THSD7A: variants seen among roughly 807,000 people sequenced by gnomAD.
THSD7A encodes the protein thrombospondin type-1 domain-containing protein 7A.
THSD7A carries 96 observed loss-of-function variants against 231.3 expected under a neutral mutation model. The observed-to-expected ratio is 0.41, with a 90% CI of 0.35 to 0.49. THSD7A has a LOEUF of 0.49. THSD7A is among the 20% of genes least tolerant of loss of function. THSD7A has a pLI of 0.05. For synonymous variants in THSD7A, 940 were observed against 743.3 expected, an observed-to-expected ratio of 1.26 and a Z score of -4.30; for missense variants, 2,290 against 2,070.2, an observed-to-expected ratio of 1.11 and a Z score of -2.06.
chr7:11,418,781 C>A lies in THSD7A; in HGVS notation c.3384-1178G>T, dbSNP rs149979021. On this transcript the variant is annotated intron_variant, in intron 16 of 27. Coordinates refer to ENST00000423059, the MANE Select transcript of THSD7A (RefSeq NM_015204.3). ...TGTTGTTGGTCATGTCTTAATGAGC[C>A]TGTAGCCTGAAAAAAATACCCAAAC... Among the ~76,000 whole-genome samples, 231 of 151,798 alleles carry A rather than the reference C, an allele frequency of 1.5e-3. 1 individual carries two copies. Among genetic ancestry groups the A allele is most frequent in the African/African-American group, 5.2e-3 (214 of 41,372 alleles).
chr7:11,715,173 T>G (rs1188016884), intron 1 of THSD7A, among the ~76,000 whole-genome samples: 2 of 151,434 alleles, frequency 1.3e-5, no homozygotes, highest in Admixed American at 6.6e-5. Flanking sequence ...GTTTACCAAT[T>G]AAATTCCATG....
intron 1 of THSD7A, among the ~76,000 whole-genome samples, chr7:11,677,007 CA>C (rs1233335309): frequency 6.6e-6 from 1 of 152,094 alleles, no homozygotes; most frequent in Non-Finnish European, 1.5e-5. Context: ...ATGTTAAGGG[CA>C]GTGAGAGAAA....
At chr7:11,419,817 G>T (rs922973094) in intron 16 of THSD7A, among the ~76,000 whole-genome samples, 4 of 152,218 alleles carry the variant, frequency 2.6e-5, no homozygotes, top group Non-Finnish European at 5.9e-5. Flanking sequence ...AGATGGAGAT[G>T]ATGAGCTTAT....
chr7:11,693,136 C>T (rs1395043885), intron 1 of THSD7A, among the ~76,000 whole-genome samples: 2 of 151,480 alleles, frequency 1.3e-5, no homozygotes, highest in African/African-American at 4.8e-5. Context: ...TTTCAGGAAA[C>T]ACCTTAAAGA....
chr7:11,784,191 C>CAT (rs1434946518), intron 1 of THSD7A, among the ~76,000 whole-genome samples: 3 of 151,318 alleles, frequency 2.0e-5, no homozygotes, highest in Non-Finnish European at 2.9e-5. Flanking sequence ...TATGTTTATG[C>CAT]ATATATATAC....
rs1417254281 is a variant in THSD7A at position 11,375,786 on chromosome 7, G to C, written c.*8C>G. On this transcript the variant is annotated 3_prime_UTR_variant, in exon 28 of 28. Coordinates refer to ENST00000423059, the MANE Select transcript of THSD7A (RefSeq NM_015204.3). ...CCGAAACTGGTTGTTGCCAGGAAAAGTTATATGTTACATGTCGGCATCTCC... is the reference window on the plus strand; with the variant it reads ...CCGAAACTGGTTGTTGCCAGGAAAACTTATATGTTACATGTCGGCATCTCC... 6.2e-7 allele frequency: 1 copy of C among 1,611,274 alleles called. No individual in the cohort carries two copies.
intron 13 of THSD7A, among the ~76,000 whole-genome samples, chr7:11,439,012 G>GTAAAATT (rs765386245): frequency 6.6e-6 from 1 of 151,878 alleles, no homozygotes; most frequent in Non-Finnish European, 1.5e-5. Flanking sequence ...AGCACAAAAA[G>GTAAAATT]TCTTAGAGTA....
chr7:11,821,020 G>T, intron 1 of THSD7A: 1 of 995,564 alleles, frequency 1.0e-6, no homozygotes, highest in Non-Finnish European at 1.6e-6. Context: ...TTGTAGCCAG[G>T]TTTTCTGGGA....
intron 1 of THSD7A, among the ~76,000 whole-genome samples, chr7:11,790,741 A>G (rs1783928233): frequency 6.6e-6 from 1 of 151,990 alleles, no homozygotes; most frequent in Admixed American, 6.6e-5. Context: ...ATCTATGTAA[A>G]TGCCACACAT....
chr7:11,403,695 TA>T (rs1190991194), intron 22 of THSD7A, among the ~76,000 whole-genome samples: 1 of 152,222 alleles, frequency 6.6e-6, no homozygotes, highest in Non-Finnish European at 1.5e-5. Flanking sequence ...CAAAATGTAA[TA>T]AATCTTTTAA....
chr7:11,421,182 G>A (rs1451129041), intron 16 of THSD7A, among the ~76,000 whole-genome samples: 1 of 152,164 alleles, frequency 6.6e-6, no homozygotes, highest in African/African-American at 2.4e-5. Flanking sequence ...AGGGTGGAAT[G>A]ATATGGTTTG....
Position 11,509,234 on chromosome 7 carries a change from T to C in THSD7A, c.1823-27252A>G, listed in dbSNP as rs562537038. Reference sequence around the variant, plus strand: ...AACAAAACAGTTTTCTTTGGGGCTTTGATATGGACATGTTTTGGTTTACGG... The same window carrying C: ...AACAAAACAGTTTTCTTTGGGGCTTCGATATGGACATGTTTTGGTTTACGG... On this transcript the variant is annotated intron_variant, in intron 6 of 27. Coordinates refer to ENST00000423059, the MANE Select transcript of THSD7A (RefSeq NM_015204.3). Among the ~76,000 whole-genome samples, 4 of 152,344 alleles carry C rather than the reference T, an allele frequency of 2.6e-5. No individual in the cohort carries two copies. In the East Asian group the frequency reaches 7.7e-4, roughly 29 times the overall value.
intron 26 of THSD7A, 81 bp downstream of exon 26, chr7:11,378,989 G>T: frequency 1.5e-6 from 2 of 1,330,462 alleles, no homozygotes; most frequent in Non-Finnish European, 2.1e-6. Context: ...ATATAAAAAT[G>T]CTTTGCTCAC....
intron 13 of THSD7A, among the ~76,000 whole-genome samples, chr7:11,441,794 A>C (rs1041722880): frequency 2.6e-5 from 4 of 151,874 alleles, no homozygotes; most frequent in African/African-American, 7.3e-5. Context: ...ACACATGGAC[A>C]GAAGGGAGGG....
intron 1 of THSD7A, among the ~76,000 whole-genome samples, chr7:11,653,452 G>A (rs975852776): frequency 5.4e-5 from 5 of 93,056 alleles, no homozygotes; most frequent in African/African-American, 2.5e-4. Flanking sequence ...CCAGATATGT[G>A]TGTGTGTGTG....
intron 2 of THSD7A, among the ~76,000 whole-genome samples, chr7:11,603,306 T>C (rs1486165375): frequency 6.6e-6 from 1 of 150,534 alleles, no homozygotes; most frequent in East Asian, 2.0e-4. Context: ...ATCAGAGAAA[T>C]GCAAATCAAA....
intron 19 of THSD7A, among the ~76,000 whole-genome samples, chr7:11,409,697 C>T (rs1783714099): frequency 6.6e-6 from 1 of 152,112 alleles, no homozygotes; most frequent in Non-Finnish European, 1.5e-5. Flanking sequence ...AAGTAGATCA[C>T]AGCAAGCTCT....
intron 23 of THSD7A, among the ~76,000 whole-genome samples, chr7:11,397,338 C>T (rs576710843): frequency 1.6e-4 from 24 of 152,162 alleles, no homozygotes; most frequent in Non-Finnish European, 2.9e-4. Flanking sequence ...TAAATGGTGT[C>T]GGGAAAACTG....
intron 1 of THSD7A, among the ~76,000 whole-genome samples, chr7:11,794,365 A>G (rs1784055610): frequency 6.6e-6 from 1 of 151,980 alleles, no homozygotes; most frequent in Non-Finnish European, 1.5e-5. Flanking sequence ...GTCCAACTGA[A>G]TAGCATCCTC....
Sources: gnomAD v4.1 joint callset for allele counts (sites outside exome capture counted in the v4.1 genomes callset) on GRCh38, gnomAD v4.1.1 for gene constraint, MANE v1.5 for transcripts, NCBI Gene and HGNC (gene_info 2026-07-23, HGNC 2026-07-21) for gene names.